WDR33: variants seen among roughly 807,000 people sequenced by gnomAD.
The protein encoded by WDR33 is WD repeat domain 33, also known as pre-mRNA 3' end processing protein WDR33.
In WDR33, 47 loss-of-function variants were observed where a neutral mutation model predicts 164.9. The observed-to-expected ratio is 0.29, with a 90% CI of 0.23 to 0.36. The LOEUF (loss-of-function observed/expected upper bound fraction) is 0.36. WDR33 is among the 10% of genes least tolerant of loss of function. The pLI, the probability that WDR33 is intolerant of heterozygous loss-of-function variation, is 1.00. For missense variants in WDR33, 1,137 were observed against 1,754.1 expected, an observed-to-expected ratio of 0.65 and a Z score of 6.28; for synonymous variants, 505 against 589.0, an observed-to-expected ratio of 0.86 and a Z score of 2.06.
In WDR33 at chr2:127,721,970, C is replaced by T. The variant is rs140647749; in HGVS notation, c.1537G>A (p.Val513Ile). The T allele has an allele frequency of 7.4e-6, 12 of 1,612,174 alleles. No homozygotes were observed. Among genetic ancestry groups the T allele is most frequent in the East Asian group, 2.2e-5 (1 of 44,854 alleles). The change falls in exon 15 of 22, where the codon GTT becomes ATT. Residue 513 changes from valine (V) to isoleucine (I), a missense_variant. By Grantham distance (29) the Val-to-Ile change is conservative. Coordinates refer to ENST00000322313, the MANE Select transcript of WDR33 (RefSeq NM_018383.5). This position sits in a 1 kb window ranked among gnomAD's most constrained non-coding sequence, Gnocchi z 4.9. ...QFQQAWMQNK[V>I]PIPAPNEVLN... Reference sequence around the variant, plus strand: ...ACCTCATTTGGAGCAGGAATTGGAACTTTATTTTGCATCCAAGCCTTGGGA... The same window carrying T: ...ACCTCATTTGGAGCAGGAATTGGAATTTTATTTTGCATCCAAGCCTTGGGA...
Position 127,790,486 on chromosome 2 carries a change from G to A in WDR33, c.-23-19482C>T, listed in dbSNP as rs980986808. Reference sequence around the variant, plus strand: ...GTATGCCTTCTAATATTTCCTGGATGAGAGTATGTAGAATTGATATTATTC... The same window carrying A: ...GTATGCCTTCTAATATTTCCTGGATAAGAGTATGTAGAATTGATATTATTC... On this transcript the variant is annotated intron_variant, in intron 1 of 21. Coordinates refer to ENST00000322313, the MANE Select transcript of WDR33 (RefSeq NM_018383.5). Among the ~76,000 whole-genome samples the A allele has an allele frequency of 2.6e-5, 4 of 152,326 alleles. No homozygotes were observed. In the South Asian group the frequency reaches 8.3e-4, roughly 32 times the overall value.
chr2:127,760,610 A>G (rs903850638), intron 7 of WDR33, among the ~76,000 whole-genome samples: 2 of 152,222 alleles, frequency 1.3e-5, no homozygotes, highest in African/African-American at 4.8e-5. Context: ...AAAGTGAGAA[A>G]TGACAGAAAA....
At chr2:127,808,872 T>C (rs1689529469) in intron 1 of WDR33, among the ~76,000 whole-genome samples, 1 of 151,700 alleles carries the variant, frequency 6.6e-6, no homozygotes, top group Non-Finnish European at 1.5e-5. Context: ...CTACTAAAAA[T>C]ACAAAAAATT....
intron 7 of WDR33, among the ~76,000 whole-genome samples, chr2:127,749,310 G>C (rs1254931131): frequency 6.6e-6 from 1 of 152,100 alleles, no homozygotes; most frequent in Non-Finnish European, 1.5e-5. Context: ...CTCCAACCTG[G>C]GTGACTGAGT....
intron 1 of WDR33, among the ~76,000 whole-genome samples, chr2:127,809,732 G>A (rs547772979): frequency 6.6e-6 from 1 of 152,172 alleles, no homozygotes; most frequent in African/African-American, 2.4e-5. Context: ...CACCGCGCCC[G>A]GCCATAAGCC....
chr2:127,750,791 T>C (rs890999911), intron 7 of WDR33, among the ~76,000 whole-genome samples: 2 of 134,784 alleles, frequency 1.5e-5, no homozygotes, highest in Non-Finnish European at 3.2e-5. Flanking sequence ...TATACACACA[T>C]ATGGAAAAAA....
chr2:127,724,244 T>G lies in WDR33; in HGVS notation c.1196+89A>C. The G allele has an allele frequency of 1.0e-6, 1 of 966,984 alleles. No homozygotes were observed. Among genetic ancestry groups the G allele is most frequent in the Non-Finnish European group, 1.6e-6 (1 of 643,940 alleles). 59.9% of individuals were successfully genotyped at this position (966,984 alleles called of 1,614,324 possible). ...AAGAATAAGTTGGAATATAAATTAC[T>G]ATATCAATCAACCAATAAAAATAAA... On this transcript the variant is annotated intron_variant, in intron 11 of 21. Coordinates refer to ENST00000322313, the MANE Select transcript of WDR33 (RefSeq NM_018383.5). The surrounding 1 kb of genome is among the most constrained non-coding windows in gnomAD (Gnocchi z 4.8).
intron 7 of WDR33, among the ~76,000 whole-genome samples, chr2:127,728,180 TTTTA>T (rs370668763): frequency 3.9e-5 from 6 of 152,318 alleles, no homozygotes; most frequent in Middle Eastern, 6.8e-3. Context: ...CACAATTTGT[TTTTA>T]ATAGAACACA....
intron 1 of WDR33, among the ~76,000 whole-genome samples, chr2:127,777,826 G>A (rs537432719): frequency 2.4e-4 from 37 of 152,074 alleles, no homozygotes; most frequent in African/African-American, 8.9e-4. Context: ...TGCCCAGGCT[G>A]GTCCAGAACT....
At chr2:127,791,061 T>G (rs544789844) in intron 1 of WDR33, among the ~76,000 whole-genome samples, 1 of 152,024 alleles carries the variant, frequency 6.6e-6, no homozygotes, top group Admixed American at 6.6e-5. Context: ...TTAGGCTCCA[T>G]GGAAAAAGTA....
Position 127,740,447 on chromosome 2 carries a change from G to C in WDR33, c.725-13670C>G, listed in dbSNP as rs1045359165. Among the ~76,000 whole-genome samples, 20 of 152,292 alleles carry C rather than the reference G, an allele frequency of 1.3e-4. 1 individual carries two copies. The highest frequency in any genetic ancestry group is 1.1e-3 in the Admixed American group (17 of 15,298). On this transcript the variant is annotated intron_variant, in intron 7 of 21. Coordinates refer to ENST00000322313, the MANE Select transcript of WDR33 (RefSeq NM_018383.5). ...CATGGTGCCCAGGGGGACATGGGCA[G>C]TGGCTGAGGTGGGCTTGAGCCCGGG... is the stretch of plus-strand genomic sequence containing the variant.
chr2:127,720,403 T>C lies in WDR33; in HGVS notation c.1672-50A>G. 1.3e-6 allele frequency: 2 copies of C among 1,483,956 alleles called. No individual in the cohort carries two copies. Among genetic ancestry groups the C allele is most frequent in the Non-Finnish European group, 1.8e-6 (2 of 1,119,186 alleles). The allele number at this position is 1,483,956 out of a possible 1,614,324, so 91.9% of individuals were successfully genotyped here. A position where few individuals can be genotyped will look rare whatever the true frequency, so the allele number is the denominator to read the frequency against. On this transcript the variant is annotated intron_variant, in intron 15 of 21. Coordinates refer to ENST00000322313, the MANE Select transcript of WDR33 (RefSeq NM_018383.5). The surrounding 1 kb of genome is among the most constrained non-coding windows in gnomAD (Gnocchi z 5.9). Reference sequence around the variant, plus strand: ...ATGTTGAATAAACAGGCCAGAGCCCTTGAAGATGACAATATTGCTATCATG... The same window carrying C: ...ATGTTGAATAAACAGGCCAGAGCCCCTGAAGATGACAATATTGCTATCATG...
At chr2:127,805,742 T>G (rs533245965) in intron 1 of WDR33, among the ~76,000 whole-genome samples, 114 of 152,200 alleles carry the variant, frequency 7.5e-4, no homozygotes, top group Middle Eastern at 6.8e-3. Context: ...AGCGAAAGCC[T>G]CCTGGAAGGG....
At chr2:127,783,751 T>A (rs113726295) in intron 1 of WDR33, among the ~76,000 whole-genome samples, 9,889 of 151,730 alleles carry the variant, frequency 0.065, 432 homozygotes, top group Middle Eastern at 0.16. Flanking sequence ...ATTACAGGCG[T>A]GCACCACCAC....
chr2:127,754,299 C>T (rs533372675), intron 7 of WDR33, among the ~76,000 whole-genome samples: 25 of 152,220 alleles, frequency 1.6e-4, no homozygotes, highest in African/African-American at 5.5e-4. Context: ...TTATCAAATC[C>T]GACCATCCGT....
At position 127,725,226 on chromosome 2, in the gene WDR33, A is replaced by G. The variant is rs369637202; in HGVS notation, c.852-11T>C. 6 of 1,577,976 alleles carry G rather than the reference A, an allele frequency of 3.8e-6. No homozygotes were observed. Among genetic ancestry groups the G allele is most frequent in the African/African-American group, 1.4e-5 (1 of 72,424 alleles). ...TTTTTATGGGCATGACTAGAAACAA[A>G]GTATCAAAAAAAAATGTCAGAATTC... is the stretch of plus-strand genomic sequence containing the variant. On this transcript the variant is annotated splice_polypyrimidine_tract_variant and intron_variant, in intron 8 of 21. Transcript: ENST00000322313.
intron 1 of WDR33, among the ~76,000 whole-genome samples, chr2:127,804,943 G>A (rs1026338915): frequency 6.6e-6 from 1 of 152,006 alleles, no homozygotes; most frequent in African/African-American, 2.4e-5. Context: ...ACATTAACCA[G>A]GTAAATTTGG....
chr2:127,796,490 C>T (rs1689048551), intron 1 of WDR33, among the ~76,000 whole-genome samples: 1 of 151,936 alleles, frequency 6.6e-6, no homozygotes, highest in African/African-American at 2.4e-5. Context: ...AGATAGGTCC[C>T]ATTGCTTGAG....
intron 1 of WDR33, among the ~76,000 whole-genome samples, chr2:127,781,532 T>C (rs895900709): frequency 6.6e-6 from 1 of 152,208 alleles, no homozygotes; most frequent in African/African-American, 2.4e-5. Context: ...GACAATGTAC[T>C]ACAGTTTTAC....
Sources: gnomAD v4.1 joint callset for allele counts (sites outside exome capture counted in the v4.1 genomes callset) on GRCh38, gnomAD v4.1.1 for gene constraint, Gnocchi (gnomAD v3.1) non-coding constraint, MANE v1.5 for transcripts, NCBI Gene and HGNC (gene_info 2026-07-23, HGNC 2026-07-21) for gene names.